GMDS: variants seen among roughly 807,000 people sequenced by gnomAD.
GMDS encodes the protein GDP-mannose 4,6-dehydratase.
In GMDS, 20 loss-of-function variants were observed where a neutral mutation model predicts 49.9. That is an observed-to-expected ratio of 0.40 (90% CI 0.28 to 0.58). The LOEUF (loss-of-function observed/expected upper bound fraction) is 0.58, where lower values mean the gene tolerates loss of function less well. Ranked by LOEUF, GMDS falls within the 20% of genes least tolerant of loss-of-function variation. The pLI is 0.42. For missense variants in GMDS, 362 were observed against 481.4 expected, an observed-to-expected ratio of 0.75 and a Z score of 2.32; for synonymous variants, 177 against 178.6, an observed-to-expected ratio of 0.99 and a Z score of 0.07.
chr6:1,652,454 TTTATATATAATATATTATATATA>T (rs1763697727), intron 9 of GMDS, among the ~76,000 whole-genome samples: 1 of 11,386 alleles, frequency 8.8e-5, no homozygotes, highest in South Asian at 2.0e-3. Flanking sequence ...TTATATATTA[TTTATATATAATATATTATATATA>T]TTATATATAA....
rs1554106277 is a variant in GMDS at position 1,673,970 on chromosome 6, A to ATTTTTTTTTTTTTTTTTTTTTTTTTTTT, written c.988-49431_988-49430insAAAAAAAAAAAAAAAAAAAAAAAAAAAA. 1.2e-4 allele frequency among the ~76,000 whole-genome samples: 17 copies of ATTTTTTTTTTTTTTTTTTTTTTTTTTTT among 144,940 alleles called. 1 individual carries two copies. The highest frequency in any genetic ancestry group is 2.0e-4 in the African/African-American group (8 of 39,904). On this transcript the variant is annotated intron_variant, in intron 9 of 10. Transcript: ENST00000380815. ...TGCTTGCTTCCAGTTTAGGTTGATT[A>ATTTTTTTTTTTTTTTTTTTTTTTTTTTT]TTAATAATGCTGCTATAAACATCTA...
At chr6:2,026,999 C>G (rs1415028671) in intron 4 of GMDS, among the ~76,000 whole-genome samples, 1 of 151,972 alleles carries the variant, frequency 6.6e-6, no homozygotes, top group African/African-American at 2.4e-5. Flanking sequence ...CAAAAAATCC[C>G]CCAGAAATTA....
chr6:1,737,624 C>T (rs923813574), intron 8 of GMDS, among the ~76,000 whole-genome samples: 2 of 144,206 alleles, frequency 1.4e-5, no homozygotes, highest in African/African-American at 5.4e-5. Flanking sequence ...AACACACACA[C>T]AGATACACAC....
At chr6:1,945,400 C>A (rs1430428663) in intron 6 of GMDS, among the ~76,000 whole-genome samples, 1 of 152,010 alleles carries the variant, frequency 6.6e-6, no homozygotes, top group East Asian at 1.9e-4. Flanking sequence ...GGTACACTTT[C>A]TGGAAATTAG....
At chr6:1,910,024 G>A (rs910424679) in intron 7 of GMDS, among the ~76,000 whole-genome samples, 2 of 152,012 alleles carry the variant, frequency 1.3e-5, no homozygotes, top group Non-Finnish European at 2.9e-5. Context: ...TTTTGAAGAC[G>A]TCGTACAGAA....
intron 9 of GMDS, among the ~76,000 whole-genome samples, chr6:1,632,404 C>T (rs953396278): frequency 2.0e-5 from 3 of 152,096 alleles, no homozygotes; most frequent in South Asian, 2.1e-4. Context: ...GTTATAGAAA[C>T]GAGACTGGAG....
chr6:2,014,672 T>G (rs1207062430), intron 4 of GMDS, among the ~76,000 whole-genome samples: 1 of 151,976 alleles, frequency 6.6e-6, no homozygotes, highest in Non-Finnish European at 1.5e-5. Flanking sequence ...AAAATATAAC[T>G]GCAAAAAATA....
chr6:2,241,303 G>A (rs1164134505), intron 1 of GMDS, among the ~76,000 whole-genome samples: 1 of 152,224 alleles, frequency 6.6e-6, no homozygotes, highest in Non-Finnish European at 1.5e-5. Flanking sequence ...TAGCTAGAAG[G>A]AACTTGCTTT....
At chr6:2,143,131 C>T (rs1359177137) in intron 1 of GMDS, among the ~76,000 whole-genome samples, 1 of 152,206 alleles carries the variant, frequency 6.6e-6, no homozygotes, top group African/African-American at 2.4e-5. Flanking sequence ...TACATATTTG[C>T]TCCATAAATT....
intron 9 of GMDS, among the ~76,000 whole-genome samples, chr6:1,638,422 G>A (rs1763228791): frequency 6.6e-6 from 1 of 152,192 alleles, no homozygotes; most frequent in South Asian, 2.1e-4. Context: ...TCGAGTGCCA[G>A]CAGGATGGCC....
At chr6:1,890,646 C>T (rs910909158) in intron 7 of GMDS, among the ~76,000 whole-genome samples, 6 of 152,088 alleles carry the variant, frequency 3.9e-5, no homozygotes, top group Admixed American at 2.6e-4. Flanking sequence ...AAGGCTATGT[C>T]TAATTAAAGT....
At chr6:2,066,546 A>C (rs1771606681) in intron 4 of GMDS, among the ~76,000 whole-genome samples, 1 of 152,072 alleles carries the variant, frequency 6.6e-6, no homozygotes, top group African/African-American at 2.4e-5. Context: ...AGACACACAT[A>C]GGCTCAAAAT....
At chr6:1,769,709 A>T (rs1054180162) in intron 7 of GMDS, among the ~76,000 whole-genome samples, 17 of 149,268 alleles carry the variant, frequency 1.1e-4, no homozygotes, top group South Asian at 2.1e-4. Context: ...TTTATTTTTT[A>T]TTTTTTTTTT....
chr6:1,762,627 A>G (rs1198783375), intron 7 of GMDS, among the ~76,000 whole-genome samples: 3 of 152,258 alleles, frequency 2.0e-5, no homozygotes, highest in African/African-American at 7.2e-5. Flanking sequence ...TAAGAGAAAG[A>G]GCACTTTGAG....
intron 4 of GMDS, among the ~76,000 whole-genome samples, chr6:1,965,480 T>C (rs1764212470): frequency 6.6e-6 from 1 of 152,072 alleles, no homozygotes. Context: ...GTGGTTTCCT[T>C]AAAAAAAGAA....
intron 7 of GMDS, among the ~76,000 whole-genome samples, chr6:1,865,795 G>C (rs1029214648): frequency 2.6e-5 from 4 of 152,076 alleles, no homozygotes; most frequent in African/African-American, 9.7e-5. Flanking sequence ...TGTTTCCAAA[G>C]GCAGTTAGAA....
At chr6:2,028,511 C>T (rs759075914) in intron 4 of GMDS, among the ~76,000 whole-genome samples, 6 of 152,276 alleles carry the variant, frequency 3.9e-5, no homozygotes, top group African/African-American at 7.2e-5. Flanking sequence ...CTAAACAATA[C>T]ATCTTCGTCG....
intron 9 of GMDS, among the ~76,000 whole-genome samples, chr6:1,698,251 C>G (rs1765411287): frequency 6.6e-6 from 1 of 152,180 alleles, no homozygotes; most frequent in African/African-American, 2.4e-5. Context: ...CATATACATA[C>G]ACTGCAGTAT....
intron 7 of GMDS, among the ~76,000 whole-genome samples, chr6:1,873,581 G>T (rs1310185813): frequency 6.6e-6 from 1 of 152,126 alleles, no homozygotes; most frequent in Non-Finnish European, 1.5e-5. Context: ...CAATATTCAG[G>T]CAGCACTGAA....
Sources: gnomAD v4.1 joint callset for allele counts (sites outside exome capture counted in the v4.1 genomes callset) on GRCh38, gnomAD v4.1.1 for gene constraint, MANE v1.5 for transcripts, NCBI Gene and HGNC (gene_info 2026-07-23, HGNC 2026-07-21) for gene names.